The following NRXN3 variants were observed in gnomAD, a reference collection of about 807,000 sequenced individuals.
NRXN3 encodes neurexin 3, also known as neurexin III.
A neutral mutation model predicts 137.6 loss-of-function variants in NRXN3; 32 were observed. That is an observed-to-expected ratio of 0.23 (90% CI 0.18 to 0.31). NRXN3 has a LOEUF of 0.31. Among genes scored for constraint, NRXN3 ranks in the 10% least tolerant of loss-of-function variants. The pLI, the probability that NRXN3 is intolerant of heterozygous loss-of-function variation, is 1.00. For synonymous variants in NRXN3, 798 were observed against 784.5 expected (o/e 1.02, Z -0.29); for missense variants, 1,574 against 2,062.5 (o/e 0.76, Z 4.59).
intron 6 of NRXN3, among the ~76,000 whole-genome samples, chr14:78,653,720 C>G (rs1051765459): frequency 6.6e-5 from 10 of 151,656 alleles, no homozygotes; most frequent in Non-Finnish European, 1.3e-4. Flanking sequence ...TACACACACA[C>G]ACACACACAC....
intron 15 of NRXN3, among the ~76,000 whole-genome samples, chr14:79,092,393 C>T (rs754939471): frequency 7.2e-5 from 11 of 152,086 alleles, no homozygotes; most frequent in Admixed American, 1.3e-4. Flanking sequence ...CTATCTGCAA[C>T]CTTAGTCGCC....
chr14:79,546,894 A>G (rs928268660), intron 16 of NRXN3, among the ~76,000 whole-genome samples: 4 of 152,182 alleles, frequency 2.6e-5, no homozygotes, highest in Non-Finnish European at 5.9e-5. Flanking sequence ...AGATAGAGGG[A>G]TAAGGTCATT....
chr14:78,693,082 C>T lies in NRXN3; in HGVS notation c.1222-16135C>T, dbSNP rs145659676. Among the ~76,000 whole-genome samples, 230 of 151,994 alleles carry T rather than the reference C, an allele frequency of 1.5e-3. 1 individual carries two copies. The highest frequency in any genetic ancestry group is 5.4e-3 in the African/African-American group (224 of 41,438). On this transcript the variant is annotated intron_variant, in intron 6 of 20. Transcript: ENST00000335750. ...CAGGCAACAGAGCGAGACTCCATCT[C>T]AAAAACAAAACAAAACAAAACAAAC...
At chr14:79,158,172 A>G (rs748025407) in intron 15 of NRXN3, among the ~76,000 whole-genome samples, 1 of 151,836 alleles carries the variant, frequency 6.6e-6, no homozygotes, top group Non-Finnish European at 1.5e-5. Context: ...CCCCCTGTGT[A>G]TACTCTCTTT....
intron 15 of NRXN3, among the ~76,000 whole-genome samples, chr14:79,337,855 G>T (rs1377922322): frequency 6.6e-6 from 1 of 152,188 alleles, no homozygotes; most frequent in Non-Finnish European, 1.5e-5. Context: ...TTACTGGTTT[G>T]TTATGTGTCT....
intron 16 of NRXN3, among the ~76,000 whole-genome samples, chr14:79,467,944 T>C (rs2096452226): frequency 1.3e-5 from 2 of 152,164 alleles, no homozygotes; most frequent in African/African-American, 2.4e-5. Flanking sequence ...AATGCATCTA[T>C]AAAAACAAGC....
intron 8 of NRXN3, among the ~76,000 whole-genome samples, chr14:78,778,716 TTCTTTC>T (rs2098754411): frequency 6.7e-6 from 1 of 148,582 alleles, no homozygotes; most frequent in East Asian, 2.0e-4. Context: ...CTTTCTTTCT[TTCTTTC>T]TTTCTTTCTC....
At chr14:78,500,331 C>T (rs1200367623) in intron 4 of NRXN3, among the ~76,000 whole-genome samples, 1 of 152,044 alleles carries the variant, frequency 6.6e-6, no homozygotes, top group Non-Finnish European at 1.5e-5. Context: ...TTTGTTTTTC[C>T]CCTGATTGAT....
chr14:79,182,321 AT>A (rs36105289), intron 15 of NRXN3, among the ~76,000 whole-genome samples: 150,533 of 151,792 alleles, frequency 0.99, 74,653 homozygotes, highest in Non-Finnish European at 1. Context: ...CTATACTGTA[AT>A]TATATAATGA....
chr14:78,646,570 G>A (rs2097690094), intron 5 of NRXN3, among the ~76,000 whole-genome samples: 1 of 152,174 alleles, frequency 6.6e-6, no homozygotes, highest in Non-Finnish European at 1.5e-5. Context: ...TGATAAAAGT[G>A]TAACTCCTTA....
At chr14:79,051,754 T>C (rs2099642255) in intron 15 of NRXN3, among the ~76,000 whole-genome samples, 1 of 152,020 alleles carries the variant, frequency 6.6e-6, no homozygotes, top group Non-Finnish European at 1.5e-5. Flanking sequence ...AAGGGCAAGG[T>C]TTGGAGAGAG....
chr14:78,478,260 G>C (rs1054875369), intron 4 of NRXN3, among the ~76,000 whole-genome samples: 4 of 152,034 alleles, frequency 2.6e-5, no homozygotes, highest in Admixed American at 1.3e-4. Context: ...GCCAGTATAC[G>C]CTTAAGCACT....
At chr14:79,711,494 T>C (rs951217324) in intron 19 of NRXN3, among the ~76,000 whole-genome samples, 28 of 151,814 alleles carry the variant, frequency 1.8e-4, no homozygotes, top group African/African-American at 6.8e-4. Flanking sequence ...TATTTATATA[T>C]TTATTTATAG....
At chr14:79,422,839 A>G (rs1013457955) in intron 15 of NRXN3, among the ~76,000 whole-genome samples, 2 of 151,606 alleles carry the variant, frequency 1.3e-5, no homozygotes, top group Non-Finnish European at 2.9e-5. Flanking sequence ...AGCTGGGACT[A>G]CAGGCGCCCT....
At chr14:78,722,559 GA>G (rs1429938248) in intron 8 of NRXN3, among the ~76,000 whole-genome samples, 1 of 152,108 alleles carries the variant, frequency 6.6e-6, no homozygotes, top group Non-Finnish European at 1.5e-5. Flanking sequence ...AAGAAGAAAG[GA>G]AAGTTAAAAG....
chr14:79,736,176 A>C (rs1279960381), intron 19 of NRXN3, among the ~76,000 whole-genome samples: 1 of 152,060 alleles, frequency 6.6e-6, no homozygotes, highest in Non-Finnish European at 1.5e-5. Flanking sequence ...GACAGTCTTA[A>C]CTCAGCACTG....
intron 15 of NRXN3, among the ~76,000 whole-genome samples, chr14:79,380,149 CTT>C (rs949863265): frequency 0.024 from 1,168 of 48,910 alleles, 8 homozygotes; most frequent in Middle Eastern, 0.088. Flanking sequence ...TATACTTCTT[CTT>C]TTTTTTTTTT....
chr14:78,321,500 C>T (rs1462376598), intron 4 of NRXN3, among the ~76,000 whole-genome samples: 1 of 152,104 alleles, frequency 6.6e-6, no homozygotes, highest in African/African-American at 2.4e-5. Context: ...TTCGTCTTCT[C>T]TGCTCTTTAG....
chr14:78,864,564 T>C (rs893214583), intron 10 of NRXN3, among the ~76,000 whole-genome samples: 2 of 152,142 alleles, frequency 1.3e-5, no homozygotes, highest in African/African-American at 4.8e-5. Context: ...CACAAGTATA[T>C]AGGAGATAAA....
Sources: gnomAD v4.1 joint callset for allele counts (sites outside exome capture counted in the v4.1 genomes callset) on GRCh38, gnomAD v4.1.1 for gene constraint, MANE v1.5 for transcripts, NCBI Gene and HGNC (gene_info 2026-07-23, HGNC 2026-07-21) for gene names.